LTBP1: variants seen among roughly 807,000 people sequenced by gnomAD.
The protein encoded by LTBP1 is latent transforming growth factor beta binding protein 1, also known as latent-transforming growth factor beta-binding protein 1.
A neutral mutation model predicts 207.6 loss-of-function variants in LTBP1; 129 were observed. The observed-to-expected ratio is 0.62, with a 90% confidence interval of 0.54 to 0.72. The LOEUF (loss-of-function observed/expected upper bound fraction) is 0.72. Among genes scored for constraint, LTBP1 ranks in the 30% least tolerant of loss-of-function variants. LTBP1 has a pLI of 0.00. For synonymous variants in LTBP1, 963 were observed against 833.7 expected, an observed-to-expected ratio of 1.16 and a Z score of -2.67; for missense variants, 2,281 against 2,217.2, an observed-to-expected ratio of 1.03 and a Z score of -0.58.
At chr2:33,348,287 G>A (rs1274504597) in intron 26 of LTBP1, among the ~76,000 whole-genome samples, 6 of 152,052 alleles carry the variant, frequency 3.9e-5, no homozygotes, top group Admixed American at 3.3e-4. Flanking sequence ...CACTTGTTCT[G>A]TGTAAAATAG....
rs1025043119 is a variant in LTBP1, at chr2:33,215,728, T to TC, written c.1702-1824_1702-1823insC. On this transcript the variant is annotated intron_variant, in intron 7 of 33. Coordinates refer to ENST00000404816, the MANE Select transcript of LTBP1 (RefSeq NM_206943.4). ...TTGGTTTTCTTTTGTTTTTTGTTTT[T>TC]TTTTTTTGAGATAGAGTCTCGCTCT... 1.3e-3 allele frequency among the ~76,000 whole-genome samples: 192 copies of TC among 149,138 alleles called. 3 individuals are homozygous for TC. Among genetic ancestry groups the TC allele is most frequent in the African/African-American group, 4.6e-3 (188 of 40,588 alleles).
chr2:33,021,733 G>T (rs1011130615), intron 3 of LTBP1, among the ~76,000 whole-genome samples: 3 of 152,052 alleles, frequency 2.0e-5, no homozygotes, highest in African/African-American at 4.8e-5. Context: ...TTATCTCCCA[G>T]TTGCCGTGTG....
chr2:33,257,534 G>A (rs1256161975), intron 12 of LTBP1, 23 bp downstream of exon 12: 1 of 1,572,810 alleles, frequency 6.4e-7, no homozygotes, highest in African/African-American at 1.3e-5. Context: ...ATGGATCATG[G>A]ACTCTAGACA....
At chr2:32,972,048 T>A (rs1680953953) in intron 2 of LTBP1, among the ~76,000 whole-genome samples, 1 of 152,060 alleles carries the variant, frequency 6.6e-6, no homozygotes, top group East Asian at 1.9e-4. Flanking sequence ...TTTCCAGGAA[T>A]GTATCTATTT....
intron 8 of LTBP1, among the ~76,000 whole-genome samples, chr2:33,220,164 T>G (rs188031293): frequency 6.6e-6 from 1 of 152,350 alleles, no homozygotes; most frequent in East Asian, 1.9e-4. Flanking sequence ...TTATTCTGTT[T>G]GTGTCCTCTT....
intron 5 of LTBP1, among the ~76,000 whole-genome samples, chr2:33,165,109 C>T (rs901603582): frequency 4.6e-5 from 7 of 152,058 alleles, no homozygotes; most frequent in Non-Finnish European, 1.0e-4. Flanking sequence ...GTTTCATGAT[C>T]TAAATGGAGA....
chr2:33,267,245 C>G lies in LTBP1; in HGVS notation c.2617+3853C>G, dbSNP rs545123874. On this transcript the variant is annotated intron_variant, in intron 15 of 33. Coordinates refer to ENST00000404816, the MANE Select transcript of LTBP1 (RefSeq NM_206943.4). ...TGCTTGCTTGCTCACACACCCCTCA[C>G]TGCTCCACACCTGGCTTGCCCTTGG... 8.5e-5 allele frequency among the ~76,000 whole-genome samples: 13 copies of G among 152,366 alleles called. No individual in the cohort carries two copies. In the South Asian group the frequency reaches 2.7e-3, roughly 32 times the overall value.
intron 9 of LTBP1, among the ~76,000 whole-genome samples, chr2:33,224,395 G>A (rs1048893796): frequency 3.9e-5 from 6 of 152,020 alleles, no homozygotes; most frequent in African/African-American, 1.4e-4. Flanking sequence ...AATGTCAAAT[G>A]GATAAAATAT....
intron 3 of LTBP1, among the ~76,000 whole-genome samples, chr2:33,103,586 C>CAT (rs1553408090): frequency 7.6e-5 from 9 of 118,144 alleles, no homozygotes; most frequent in Non-Finnish European, 1.1e-4. Flanking sequence ...TCTCCGTTTA[C>CAT]GTGTGTGTGT....
At chr2:33,162,141 A>T (rs766487477) in intron 5 of LTBP1, among the ~76,000 whole-genome samples, 2 of 152,180 alleles carry the variant, frequency 1.3e-5, no homozygotes, top group African/African-American at 2.4e-5. Flanking sequence ...CATCTTAACT[A>T]CCTTTTTGTG....
chr2:33,012,891 A>C (rs1286367721), intron 2 of LTBP1, among the ~76,000 whole-genome samples: 1 of 152,224 alleles, frequency 6.6e-6, no homozygotes, highest in Non-Finnish European at 1.5e-5. Flanking sequence ...GTAAAATTAT[A>C]CTATTAGAGA....
intron 9 of LTBP1, among the ~76,000 whole-genome samples, chr2:33,237,316 TCAAA>T (rs2149669766): frequency 6.6e-6 from 1 of 152,340 alleles, no homozygotes; most frequent in East Asian, 1.9e-4. Context: ...GCAGTGTTTC[TCAAA>T]CATATTTGGC....
At chr2:33,108,127 A>G (rs990280503) in intron 3 of LTBP1, among the ~76,000 whole-genome samples, 3 of 152,196 alleles carry the variant, frequency 2.0e-5, no homozygotes, top group African/African-American at 7.2e-5. Context: ...AGAGTGTAGG[A>G]TAGTGATTTC....
At chr2:33,397,935 G>T (rs2095374487) in intron 33 of LTBP1, among the ~76,000 whole-genome samples, 1 of 152,096 alleles carries the variant, frequency 6.6e-6, no homozygotes, top group East Asian at 1.9e-4. Flanking sequence ...AAGTGAGTGA[G>T]AGCCTAAATG....
intron 3 of LTBP1, among the ~76,000 whole-genome samples, chr2:33,025,871 A>G (rs1215811681): frequency 6.6e-6 from 1 of 152,150 alleles, no homozygotes. Context: ...ATTTTCTGTA[A>G]TAAAGAGTAA....
In LTBP1 at chr2:33,178,341, C is replaced by G. The variant is rs572067864; in HGVS notation, c.1202-8515C>G. On this transcript the variant is annotated intron_variant, in intron 5 of 33. Transcript: ENST00000404816. ...TCCTTAGGTTATGCAAGGTATAAAA[C>G]TAGATCAAAATAGATAGCGCACAGC... 6.6e-5 allele frequency among the ~76,000 whole-genome samples: 10 copies of G among 152,234 alleles called. No homozygotes were observed. The East Asian group carries it at 1.5e-3, about 23-fold the overall frequency.
At chr2:33,007,895 T>G (rs1687148002) in intron 2 of LTBP1, among the ~76,000 whole-genome samples, 1 of 152,226 alleles carries the variant, frequency 6.6e-6, no homozygotes, top group Non-Finnish European at 1.5e-5. Context: ...AATTGAGATG[T>G]AAAAAGATAA....
At chr2:33,262,130 T>C (rs2093030324) in intron 13 of LTBP1, among the ~76,000 whole-genome samples, 1 of 152,168 alleles carries the variant, frequency 6.6e-6, no homozygotes, top group East Asian at 1.9e-4. Context: ...AAGCCCCAAA[T>C]CCTTCTCCAA....
intron 15 of LTBP1, among the ~76,000 whole-genome samples, chr2:33,266,296 GAAGCTGAGGGT>G (rs2093174304): frequency 6.6e-6 from 1 of 152,244 alleles, no homozygotes; most frequent in Admixed American, 6.5e-5. Context: ...GCATGGGAGG[GAAGCTGAGGGT>G]AAGCTGAGGG....
Sources: allele counts gnomAD v4.1 joint callset (sites outside exome capture counted in the v4.1 genomes callset), GRCh38; gene constraint gnomAD v4.1.1; transcripts MANE v1.5; gene names NCBI Gene and HGNC (gene_info 2026-07-23, HGNC 2026-07-21).